The following BAZ2B variants were observed in gnomAD, a reference collection of about 807,000 sequenced individuals.
BAZ2B encodes the protein bromodomain adjacent to zinc finger domain protein 2B.
BAZ2B carries 91 observed loss-of-function variants against 246.0 expected under a neutral mutation model. That is an observed-to-expected ratio of 0.37 (90% CI 0.31 to 0.44). The LOEUF (loss-of-function observed/expected upper bound fraction) is 0.44, where lower values mean the gene tolerates loss of function less well. Among genes scored for constraint, BAZ2B ranks in the 20% least tolerant of loss-of-function variants. The probability of loss-of-function intolerance (pLI) is 1.00; values close to 1 mark genes in which losing one functional copy is unlikely to be tolerated. For synonymous variants in BAZ2B, 855 were observed against 860.0 expected (o/e 0.99, Z 0.10); for missense variants, 2,332 against 2,533.7 (o/e 0.92, Z 1.71).
intron 2 of BAZ2B, among the ~76,000 whole-genome samples, chr2:159,544,449 G>T (rs772143564): frequency 6.6e-6 from 1 of 152,132 alleles, no homozygotes. Flanking sequence ...TACCTTGAGC[G>T]GCTAAGTAGA....
intron 1 of BAZ2B, among the ~76,000 whole-genome samples, chr2:159,589,253 T>TAAGGA: frequency 6.6e-6 from 1 of 152,176 alleles, no homozygotes; most frequent in African/African-American, 2.4e-5. Flanking sequence ...AGTGGTATCC[T>TAAGGA]TACTCACACT....
intron 27 of BAZ2B, among the ~76,000 whole-genome samples, chr2:159,369,828 T>C (rs746026754): frequency 5.9e-5 from 9 of 152,184 alleles, no homozygotes; most frequent in Non-Finnish European, 1.2e-4. Flanking sequence ...GCAATAAACA[T>C]ACGTGTGCAT....
intron 3 of BAZ2B, chr2:159,464,026 T>C (rs2076738322): frequency 1.3e-5 from 2 of 152,102 alleles, no homozygotes; most frequent in South Asian, 4.1e-4. Context: ...TAAGTAGTTA[T>C]TTTGAGATTA....
At chr2:159,322,442 C>T (rs2062831270) in intron 36 of BAZ2B, among the ~76,000 whole-genome samples, 1 of 152,164 alleles carries the variant, frequency 6.6e-6, no homozygotes, top group African/African-American at 2.4e-5. Context: ...TGGCAACCAC[C>T]AATCTTCTAT....
rs548550905 is a variant in BAZ2B at position 159,567,047 on chromosome 2, A to G, written c.-45-11182T>C. On this transcript the variant is annotated intron_variant, in intron 1 of 36. Coordinates refer to ENST00000392783, the MANE Select transcript of BAZ2B (RefSeq NM_013450.4). ...CACCTGAGGTCAGGAGTTTCAGACC[A>G]TCCTGGCCAACATGATGAGACCTTG... 1.1e-3 allele frequency among the ~76,000 whole-genome samples: 168 copies of G among 152,306 alleles called. 1 individual carries two copies. The South Asian group carries it at 0.012, about 11-fold the overall frequency.
intron 2 of BAZ2B, among the ~76,000 whole-genome samples, chr2:159,493,213 T>C (rs1195641614): frequency 6.6e-6 from 1 of 152,140 alleles, no homozygotes; most frequent in Admixed American, 6.5e-5. Context: ...CACTGTCCAA[T>C]AGGACAGCCA....
At chr2:159,382,847 C>T in intron 24 of BAZ2B, 45 bp from the exon 25 acceptor site, 1 of 1,585,696 alleles carries the variant, frequency 6.3e-7, no homozygotes, top group Non-Finnish European at 8.6e-7. Context: ...AAAGACTTCT[C>T]AATATACTTT....
chr2:159,631,459 C>A, the BAZ2B span, among the ~76,000 whole-genome samples: 1 of 152,120 alleles, frequency 6.6e-6, no homozygotes, highest in Non-Finnish European at 1.5e-5. Context: ...CTAAAAAATT[C>A]CATGAAGCAA....
At position 159,427,997 on chromosome 2, in the gene BAZ2B, T is replaced by C; in HGVS notation, c.2410A>G (p.Ser804Gly). Reference sequence around the variant, plus strand: ...CCCACTCTTATTTTTGCACTGAAGCTGAAATTGTCCCTTGAGATATCCATT... The same window carrying C: ...CCCACTCTTATTTTTGCACTGAAGCCGAAATTGTCCCTTGAGATATCCATT... ...GIMDISRDNFSFSAKIRVGDF... is the reference protein window; with the variant it reads ...GIMDISRDNFGFSAKIRVGDF... The change falls in exon 13 of 37, where the codon AGC becomes GGC. Residue 804 changes from serine (S) to glycine (G), a missense_variant. Ser to Gly is a moderately conservative substitution (Grantham distance 56, BLOSUM62 0). This residue lies in a region of BAZ2B where 651 missense variants were observed against 650.9 expected (regional missense o/e 1.00). Coordinates refer to ENST00000392783, the MANE Select transcript of BAZ2B (RefSeq NM_013450.4). The C allele has an allele frequency of 6.2e-7, 1 of 1,613,586 alleles. No individual in the cohort carries two copies. The highest frequency in any genetic ancestry group is 8.5e-7 in the Non-Finnish European group (1 of 1,179,590).
intron 2 of BAZ2B, among the ~76,000 whole-genome samples, chr2:159,551,313 C>CA (rs1272461116): frequency 4.6e-5 from 7 of 151,698 alleles, no homozygotes; most frequent in Non-Finnish European, 5.9e-5. Flanking sequence ...ACTAAAAATA[C>CA]AAAAAATTAG....
At chr2:159,413,117 G>A (rs1176277654) in intron 13 of BAZ2B, among the ~76,000 whole-genome samples, 1 of 152,076 alleles carries the variant, frequency 6.6e-6, no homozygotes, top group East Asian at 1.9e-4. Context: ...CCTGATGGAG[G>A]CTCATACAAT....
chr2:159,367,957 CCATT>C (rs1351153634), intron 27 of BAZ2B, among the ~76,000 whole-genome samples: 1 of 151,978 alleles, frequency 6.6e-6, no homozygotes, highest in Non-Finnish European at 1.5e-5. Flanking sequence ...CTTTCAGCAC[CCATT>C]TATTTACAGT....
the BAZ2B span, among the ~76,000 whole-genome samples, chr2:159,629,808 G>T: frequency 6.6e-6 from 1 of 151,858 alleles, no homozygotes; most frequent in African/African-American, 2.4e-5. Flanking sequence ...ATGTAACCCA[G>T]AACTTAAAGT....
At chr2:159,324,481 G>A (rs1385923893) in intron 36 of BAZ2B, among the ~76,000 whole-genome samples, 1 of 151,908 alleles carries the variant, frequency 6.6e-6, no homozygotes. Context: ...ACTTACTTTG[G>A]GAGGCTCTCC....
At chr2:159,628,603 A>G in the BAZ2B span, among the ~76,000 whole-genome samples, 1 of 152,354 alleles carries the variant, frequency 6.6e-6, no homozygotes, top group South Asian at 2.1e-4. Flanking sequence ...GTGTTGGGAA[A>G]ACTGGCTAGC....
At chr2:159,440,101 A>G (rs2073103371) in intron 6 of BAZ2B, among the ~76,000 whole-genome samples, 1 of 152,154 alleles carries the variant, frequency 6.6e-6, no homozygotes, top group African/African-American at 2.4e-5. Flanking sequence ...AATAAAAAGT[A>G]CAAGCTCTGT....
chr2:159,485,748 GA>G (rs2079750360), intron 2 of BAZ2B, among the ~76,000 whole-genome samples: 1 of 152,022 alleles, frequency 6.6e-6, no homozygotes, highest in Admixed American at 6.6e-5. Flanking sequence ...ATACTGCATT[GA>G]AATATTTAAC....
chr2:159,683,502 A>G, the BAZ2B span, among the ~76,000 whole-genome samples: 2 of 152,194 alleles, frequency 1.3e-5, no homozygotes, highest in Admixed American at 1.3e-4. Flanking sequence ...TCACTCCAAA[A>G]TATTCCCTTA....
chr2:159,353,020 A>C (rs1180391299), intron 27 of BAZ2B, among the ~76,000 whole-genome samples: 1 of 152,194 alleles, frequency 6.6e-6, no homozygotes, highest in African/African-American at 2.4e-5. Flanking sequence ...TTGATAACGA[A>C]ATAAAAGGAT....
Sources: allele counts gnomAD v4.1 joint callset (sites outside exome capture counted in the v4.1 genomes callset), GRCh38; gene constraint gnomAD v4.1.1; regional missense constraint gnomAD v4.1.1; transcripts MANE v1.5; gene names NCBI Gene and HGNC (gene_info 2026-07-23, HGNC 2026-07-21).